CNNM4: variants seen among roughly 807,000 people sequenced by gnomAD.
CNNM4 encodes metal transporter CNNM4.
A neutral mutation model predicts 53.7 loss-of-function variants in CNNM4; 32 were observed. That is an observed-to-expected ratio of 0.60 (90% CI 0.45 to 0.80). CNNM4 has a LOEUF of 0.80. Ranked by LOEUF, CNNM4 falls within the 30% of genes least tolerant of loss-of-function variation. CNNM4 has a pLI of 0.00. For missense variants in CNNM4, 784 were observed against 1,022.0 expected (o/e 0.77, Z 3.17); for synonymous variants, 410 against 440.0 (o/e 0.93, Z 0.85).
intron 5 of CNNM4, among the ~76,000 whole-genome samples, chr2:96,805,441 T>G: frequency 8.3e-6 from 1 of 120,552 alleles, no homozygotes; most frequent in South Asian, 2.6e-4. Context: ...TTTTTTTTTA[T>G]TATTTTTTTT....
chr2:96,801,740 C>A lies in CNNM4; in HGVS notation c.1948+2092C>A, dbSNP rs560544770. On this transcript the variant is annotated intron_variant, in intron 5 of 6. Coordinates refer to ENST00000377075, the MANE Select transcript of CNNM4 (RefSeq NM_020184.4). The surrounding 1 kb of genome is among the most constrained non-coding windows in gnomAD (Gnocchi z 5.6). ...ACACACATGCAGAGACCACACACAC[C>A]CAGAGACCACACACCCAGACACACA... Among the ~76,000 whole-genome samples the A allele has an allele frequency of 6.9e-6, 1 of 144,680 alleles. No individual in the cohort carries two copies. The highest frequency in any genetic ancestry group is 6.8e-5 in the Admixed American group (1 of 14,702). 94.9% of individuals were successfully genotyped at this position (144,680 alleles called of 152,430 possible).
At chr2:96,784,274 GA>G (rs943411900) in intron 1 of CNNM4, among the ~76,000 whole-genome samples, 2 of 149,846 alleles carry the variant, frequency 1.3e-5, no homozygotes, top group African/African-American at 4.9e-5. Context: ...CAAAAAAAAA[GA>G]AAAAAAAAGT....
At chr2:96,799,304 C>G (rs1186572764) in intron 4 of CNNM4, 78 bp downstream of exon 4, 19 of 1,566,218 alleles carry the variant, frequency 1.2e-5, no homozygotes, top group Non-Finnish European at 1.6e-5. Flanking sequence ...CTCCCACCTG[C>G]TGCGGAGGTG....
intron 1 of CNNM4, among the ~76,000 whole-genome samples, chr2:96,774,576 T>C (rs2078907517): frequency 6.6e-6 from 1 of 152,176 alleles, no homozygotes; most frequent in African/African-American, 2.4e-5. Context: ...CCCAGTCACA[T>C]GACAGCTAAG....
At chr2:96,791,789 A>G (rs1034032342) in intron 1 of CNNM4, among the ~76,000 whole-genome samples, 7 of 152,154 alleles carry the variant, frequency 4.6e-5, no homozygotes, top group African/African-American at 7.2e-5. Context: ...CTTAATCTAC[A>G]TATGGGGGAT....
intron 1 of CNNM4, among the ~76,000 whole-genome samples, chr2:96,790,258 G>T (rs1178911863): frequency 6.6e-6 from 1 of 151,378 alleles, no homozygotes; most frequent in Non-Finnish European, 1.5e-5. Context: ...CACGCGCCTC[G>T]GTCTCCCAAA....
rs2079138198 is a variant in CNNM4 at position 96,799,434 on chromosome 2, G to T, written c.1852-118G>T. The T allele has an allele frequency of 1.2e-5, 14 of 1,133,454 alleles. No homozygotes were observed. The Admixed American group carries it at 2.8e-4, about 22-fold the overall frequency. The allele number at this position is 1,133,454 out of a possible 1,614,324, so 70.2% of individuals were successfully genotyped here. A position where few individuals can be genotyped will look rare whatever the true frequency, so the allele number is the denominator to read the frequency against. On this transcript the variant is annotated intron_variant, in intron 4 of 6. Coordinates refer to ENST00000377075, the MANE Select transcript of CNNM4 (RefSeq NM_020184.4). ...CAGGTCAGGCCCCTGAGCTCTCCAGGGCTCCAGTACCGGCCCTTCCTCCTG... is the reference window on the plus strand; with the variant it reads ...CAGGTCAGGCCCCTGAGCTCTCCAGTGCTCCAGTACCGGCCCTTCCTCCTG...
At position 96,797,005 on chromosome 2, in the gene CNNM4, C is replaced by T; in HGVS notation, c.1403-7C>T. ...GCTCTTGTCTGACTTGCTGCATTGT[C>T]CCACAGGGAAGTCCCACCTGGCCAT... On this transcript the variant is annotated splice_region_variant and splice_polypyrimidine_tract_variant and intron_variant, in intron 1 of 6. Coordinates refer to ENST00000377075, the MANE Select transcript of CNNM4 (RefSeq NM_020184.4). This position sits in a 1 kb window ranked among gnomAD's most constrained non-coding sequence, Gnocchi z 6.0. 3.1e-6 allele frequency: 5 copies of T among 1,612,466 alleles called. No homozygotes were observed. The highest frequency in any genetic ancestry group is 4.2e-6 in the Non-Finnish European group (5 of 1,179,938).
In CNNM4 at chr2:96,762,213, A is replaced by G; in HGVS notation, c.1214A>G (p.Tyr405Cys). The G allele has an allele frequency of 1.9e-6, 3 of 1,614,208 alleles. No homozygotes were observed. The highest frequency in any genetic ancestry group is 2.5e-6 in the Non-Finnish European group (3 of 1,180,042). ...NTMSEIMESGYTRIPVFEDEQ... is the reference protein window; with the variant it reads ...NTMSEIMESGCTRIPVFEDEQ... ...ATGTCGGAGATAATGGAAAGCGGCT[A>G]TACTCGCATCCCGGTGTTCGAAGAC... The change falls in exon 1 of 7, where the codon TAT becomes TGT. Residue 405 changes from tyrosine (Y) to cysteine (C), a missense_variant. This residue lies in a region of CNNM4 where 473 missense variants were observed against 624.6 expected (regional missense o/e 0.76). Coordinates refer to ENST00000377075, the MANE Select transcript of CNNM4 (RefSeq NM_020184.4).
intron 1 of CNNM4, among the ~76,000 whole-genome samples, chr2:96,774,960 C>CAAAAAAAAAAAAA (rs56997097): frequency 5.7e-5 from 1 of 17,690 alleles, no homozygotes; most frequent in Non-Finnish European, 1.2e-4. Context: ...GACTCCATCT[C>CAAAAAAAAAAAAA]AAAAAAAAAA....
Position 96,801,767 on chromosome 2 carries a change from A to C in CNNM4, c.1948+2119A>C, listed in dbSNP as rs748442673. 1.3e-5 allele frequency among the ~76,000 whole-genome samples: 2 copies of C among 151,584 alleles called. No homozygotes were observed. Among genetic ancestry groups the C allele is most frequent in the Admixed American group, 6.6e-5 (1 of 15,230 alleles). ...AGAGACCACACACCCAGACACACAC[A>C]CAGACAGAGATACTACAGACACCCA... On this transcript the variant is annotated intron_variant, in intron 5 of 6. Coordinates refer to ENST00000377075, the MANE Select transcript of CNNM4 (RefSeq NM_020184.4). The surrounding 1 kb of genome is among the most constrained non-coding windows in gnomAD (Gnocchi z 5.6).
chr2:96,761,113 G>A lies in CNNM4; in HGVS notation c.114G>A (p.Gln38=). The A allele has an allele frequency of 1.9e-6, 3 of 1,570,340 alleles. No homozygotes were observed. Among genetic ancestry groups the A allele is most frequent in the South Asian group, 1.2e-5 (1 of 85,618 alleles). Residue 38 remains glutamine (Q), a synonymous_variant, in exon 1 of 7, where the codon CAG becomes CAA. Coordinates refer to ENST00000377075, the MANE Select transcript of CNNM4 (RefSeq NM_020184.4). This position sits in a 1 kb window ranked among gnomAD's most constrained non-coding sequence, Gnocchi z 6.0. ...TGTGGGCGCTGGGGGCCCGGGGCCAGGGCAGCCCCCAGCAGGGCACGATCG... is the reference window on the plus strand; with the variant it reads ...TGTGGGCGCTGGGGGCCCGGGGCCAAGGCAGCCCCCAGCAGGGCACGATCG... ...VLLWALGARG[Q]GSPQQGTIVG...
chr2:96,806,059 G>A (rs1210816177), intron 5 of CNNM4, among the ~76,000 whole-genome samples: 2 of 145,392 alleles, frequency 1.4e-5, no homozygotes, highest in African/African-American at 2.8e-5. Context: ...CGGACGGGGC[G>A]GCTGGCCGGG....
chr2:96,767,091 C>T (rs1407937816), intron 1 of CNNM4, among the ~76,000 whole-genome samples: 3 of 152,146 alleles, frequency 2.0e-5, no homozygotes, highest in African/African-American at 7.2e-5. Flanking sequence ...CATGAATGTG[C>T]TCCTACACAC....
intron 1 of CNNM4, among the ~76,000 whole-genome samples, chr2:96,768,671 G>A (rs1226936649): frequency 6.6e-6 from 1 of 152,208 alleles, no homozygotes; most frequent in African/African-American, 2.4e-5. Flanking sequence ...GTAAGTGGTG[G>A]TCATAATAAT....
chr2:96,783,329 A>G (rs1210156912), intron 1 of CNNM4, among the ~76,000 whole-genome samples: 1 of 152,136 alleles, frequency 6.6e-6, no homozygotes, highest in Non-Finnish European at 1.5e-5. Flanking sequence ...GACTGGGTGG[A>G]AAGGAAGAAG....
chr2:96,811,485 G>A lies in CNNM4; in HGVS notation c.*1968G>A, dbSNP rs1035082965. Reference sequence around the variant, plus strand: ...CCCTCCTCCTCTTCCCTGGCCCATTGATCATCCCTTCTCACAGAGGGTCAT... The same window carrying A: ...CCCTCCTCCTCTTCCCTGGCCCATTAATCATCCCTTCTCACAGAGGGTCAT... On this transcript the variant is annotated 3_prime_UTR_variant, in exon 7 of 7. Coordinates refer to ENST00000377075, the MANE Select transcript of CNNM4 (RefSeq NM_020184.4). 4 of 152,444 alleles carry A rather than the reference G, an allele frequency of 2.6e-5. No homozygotes were observed. The highest frequency in any genetic ancestry group is 7.2e-5 in the African/African-American group (3 of 41,414). The allele number at this position is 152,444 out of a possible 1,614,324, so 9.4% of individuals were successfully genotyped here.
chr2:96,779,236 G>A (rs921730823), intron 1 of CNNM4, among the ~76,000 whole-genome samples: 18 of 152,298 alleles, frequency 1.2e-4, no homozygotes, highest in Middle Eastern at 3.4e-3. Flanking sequence ...GGGATTACAG[G>A]CGTGAGCCAC....
Position 96,799,056 on chromosome 2 carries a change from G to A in CNNM4, c.1682-1G>A. On this transcript the variant is annotated splice_acceptor_variant, in intron 3 of 6. Coordinates refer to ENST00000377075, the MANE Select transcript of CNNM4 (RefSeq NM_020184.4). LOFTEE classifies it high-confidence loss of function. ...GAGGTCTCTTCTCTCTCCTCCTACA[G>A]AGGTCTCTCAGTTTAGCCCCTCCCT... 1 of 1,613,982 alleles carries A rather than the reference G, an allele frequency of 6.2e-7. No homozygotes were observed.
Sources: allele counts gnomAD v4.1 joint callset (sites outside exome capture counted in the v4.1 genomes callset), GRCh38; gene constraint gnomAD v4.1.1; regional missense constraint gnomAD v4.1.1; non-coding constraint Gnocchi (gnomAD v3.1); transcripts MANE v1.5; gene names NCBI Gene and HGNC (gene_info 2026-07-23, HGNC 2026-07-21).